The following LCORL variants were observed in gnomAD, a reference collection of about 807,000 sequenced individuals.
LCORL encodes ligand dependent nuclear receptor corepressor like, also known as ligand-dependent nuclear receptor corepressor-like protein.
In LCORL, 41 loss-of-function variants were observed where a neutral mutation model predicts 141.8. The ratio of observed to expected loss-of-function variants is 0.29; its 90% CI spans 0.23 to 0.38. The LOEUF (loss-of-function observed/expected upper bound fraction) is 0.38, where lower values mean the gene tolerates loss of function less well. LCORL is among the 10% of genes least tolerant of loss of function. The pLI is 1.00. For missense variants in LCORL, 1,759 were observed against 2,035.0 expected (o/e 0.86, Z 2.61); for synonymous variants, 618 against 694.1 (o/e 0.89, Z 1.72).
intron 5 of LCORL, among the ~76,000 whole-genome samples, chr4:17,887,939 C>T (rs945936414): frequency 2.3e-4 from 35 of 152,050 alleles, no homozygotes; most frequent in African/African-American, 8.5e-4. Flanking sequence ...CCTCCTAATT[C>T]TCACCAAATC....
intron 4 of LCORL, among the ~76,000 whole-genome samples, chr4:17,917,049 AT>A (rs1733556479): frequency 6.6e-6 from 1 of 151,412 alleles, no homozygotes. Flanking sequence ...ATCTCGGCTC[AT>A]TGCAACCTCT....
intron 5 of LCORL, among the ~76,000 whole-genome samples, chr4:17,898,652 G>GTTTTTTTTT (rs34770223): frequency 2.4e-4 from 29 of 119,264 alleles, no homozygotes; most frequent in African/African-American, 6.8e-4. Flanking sequence ...CATTCTCACC[G>GTTTTTTTTT]TTTTTTTTTT....
intron 6 of LCORL, chr4:17,883,596 T>A: frequency 7.3e-7 from 1 of 1,368,026 alleles, no homozygotes; most frequent in Non-Finnish European, 9.4e-7. Context: ...ATGTCTCCTG[T>A]CAGAGTGAGC....
chr4:17,982,729 T>C (rs568955258), intron 1 of LCORL, among the ~76,000 whole-genome samples: 2 of 152,262 alleles, frequency 1.3e-5, no homozygotes, highest in African/African-American at 4.8e-5. Context: ...TGTCTCTTTA[T>C]TCTGTTGACA....
chr4:17,936,683 G>A (rs538293721), intron 4 of LCORL, among the ~76,000 whole-genome samples: 112 of 152,260 alleles, frequency 7.4e-4, no homozygotes, highest in Middle Eastern at 6.8e-3. Context: ...TTTAATTCCT[G>A]AGTTTAGATA....
rs116916441 is a variant in LCORL, at chr4:17,887,165, C to T, written c.683-1004G>A. ...TATCTATAGCCTCCTATATAGACTTCGACAATAATTTATTGAGCGCTCACT... is the reference window on the plus strand; with the variant it reads ...TATCTATAGCCTCCTATATAGACTTTGACAATAATTTATTGAGCGCTCACT... On this transcript the variant is annotated intron_variant, in intron 5 of 7. Transcript: ENST00000635767. Among the ~76,000 whole-genome samples the T allele has an allele frequency of 4.5e-3, 680 of 151,928 alleles. 10 individuals carry two copies. Among genetic ancestry groups the T allele is most frequent in the East Asian group, 0.044 (229 of 5,168 alleles).
At chr4:17,964,130 C>A (rs1714390054) in intron 2 of LCORL, among the ~76,000 whole-genome samples, 1 of 152,044 alleles carries the variant, frequency 6.6e-6, no homozygotes, top group South Asian at 2.1e-4. Context: ...AATAACAACT[C>A]CCTTTAATTT....
At chr4:17,902,214 G>C (rs1294038060) in intron 5 of LCORL, among the ~76,000 whole-genome samples, 1 of 152,046 alleles carries the variant, frequency 6.6e-6, no homozygotes, top group Admixed American at 6.6e-5. Context: ...GATTTTAGAC[G>C]TTATCTAAAG....
chr4:17,873,158 A>C (rs1726558316), intron 7 of LCORL, among the ~76,000 whole-genome samples: 1 of 152,090 alleles, frequency 6.6e-6, no homozygotes, highest in South Asian at 2.1e-4. Flanking sequence ...TGTCTCTACT[A>C]TATATATTTT....
At chr4:17,965,036 T>G (rs1354242447) in intron 2 of LCORL, among the ~76,000 whole-genome samples, 4 of 152,084 alleles carry the variant, frequency 2.6e-5, no homozygotes. Flanking sequence ...AATTGCCAGT[T>G]GTAAGATAAT....
chr4:17,917,710 T>C (rs1276705266), intron 4 of LCORL, among the ~76,000 whole-genome samples: 2 of 152,196 alleles, frequency 1.3e-5, no homozygotes, highest in Non-Finnish European at 2.9e-5. Context: ...CACTTAATGT[T>C]GTGGGTCTCT....
At chr4:18,020,353 T>C (rs1197313591) in intron 1 of LCORL, among the ~76,000 whole-genome samples, 2 of 151,984 alleles carry the variant, frequency 1.3e-5, no homozygotes, top group Non-Finnish European at 2.9e-5. Flanking sequence ...CAACTCCAAA[T>C]GCCAAGATTC....
intron 4 of LCORL, among the ~76,000 whole-genome samples, chr4:17,928,424 A>G (rs1735499976): frequency 6.6e-6 from 1 of 152,232 alleles, no homozygotes; most frequent in South Asian, 2.1e-4. Context: ...AAATAAAAAC[A>G]AAACAATCAA....
At chr4:17,988,801 A>G (rs1020019402) in intron 1 of LCORL, among the ~76,000 whole-genome samples, 3 of 152,162 alleles carry the variant, frequency 2.0e-5, no homozygotes, top group Non-Finnish European at 4.4e-5. Flanking sequence ...CCTGGCCCAC[A>G]TGGCGAAACC....
At chr4:17,937,820 T>C (rs981938988) in intron 4 of LCORL, among the ~76,000 whole-genome samples, 1 of 152,074 alleles carries the variant, frequency 6.6e-6, no homozygotes, top group Non-Finnish European at 1.5e-5. Context: ...GGCAATACAA[T>C]AGAACAAAAT....
At chr4:17,933,377 A>ACCATTTTATTTCATTTTCATTCTCTTAG (rs1736357318) in intron 4 of LCORL, among the ~76,000 whole-genome samples, 1 of 151,758 alleles carries the variant, frequency 6.6e-6, no homozygotes, top group African/African-American at 2.4e-5. Flanking sequence ...CTACCTTTTT[A>ACCATTTTATTTCATTTTCATTCTCTTAG]CCATTTTATT....
chr4:17,978,981 T>C (rs1301137845), intron 1 of LCORL, among the ~76,000 whole-genome samples: 1 of 152,208 alleles, frequency 6.6e-6, no homozygotes, highest in Non-Finnish European at 1.5e-5. Context: ...TTGTTACATA[T>C]GTATACATGT....
chr4:17,998,431 T>G (rs1398250729), intron 1 of LCORL, among the ~76,000 whole-genome samples: 1 of 152,142 alleles, frequency 6.6e-6, no homozygotes, highest in Non-Finnish European at 1.5e-5. Flanking sequence ...TTTTTTCTAT[T>G]TAAACTTTTT....
intron 1 of LCORL, among the ~76,000 whole-genome samples, chr4:17,990,252 C>A (rs997750190): frequency 2.5e-4 from 38 of 152,102 alleles, no homozygotes; most frequent in African/African-American, 6.5e-4. Flanking sequence ...GCGCCCACCA[C>A]CACGCCCGGC....
Sources: gnomAD v4.1 joint callset for allele counts (sites outside exome capture counted in the v4.1 genomes callset) on GRCh38, gnomAD v4.1.1 for gene constraint, MANE v1.5 for transcripts, NCBI Gene and HGNC (gene_info 2026-07-23, HGNC 2026-07-21) for gene names.